Variants in ZNF48 observed in about 807,000 individuals in gnomAD.
ZNF48 encodes zinc finger protein 48.
In ZNF48, 20 loss-of-function variants were observed where a neutral mutation model predicts 40.0. The observed-to-expected ratio is 0.50, with a 90% CI of 0.35 to 0.73. The LOEUF (loss-of-function observed/expected upper bound fraction) is 0.73, where lower values mean the gene tolerates loss of function less well. Ranked by LOEUF, ZNF48 falls within the 30% of genes least tolerant of loss-of-function variation. The pLI, the probability that ZNF48 is intolerant of heterozygous loss-of-function variation, is 0.01. For missense variants in ZNF48, 726 were observed against 851.9 expected, an observed-to-expected ratio of 0.85 and a Z score of 1.84; for synonymous variants, 298 against 329.7, an observed-to-expected ratio of 0.90 and a Z score of 1.04.
Position 30,398,500 on chromosome 16 carries a change from C to T in ZNF48, c.1250C>T (p.Pro417Leu). ...GTSPPLTPRS[P>L]SHSGEPFGLP... ...AGCCCCCCGCTGACACCTCGAAGTCCCTCACACTCGGGTGAGCCTTTTGGC... is the reference window on the plus strand; with the variant it reads ...AGCCCCCCGCTGACACCTCGAAGTCTCTCACACTCGGGTGAGCCTTTTGGC... The change falls in exon 3 of 3, where the codon CCC becomes CTC. Residue 417 changes from proline to leucine, a missense_variant. Physicochemically the swap from Pro to Leu is moderately conservative, Grantham distance 98 (BLOSUM62 -3). Transcript: ENST00000613509. The surrounding 1 kb of genome is among the most constrained non-coding windows in gnomAD (Gnocchi z 6.6). 6.3e-6 allele frequency: 10 copies of T among 1,592,374 alleles called. No individual in the cohort carries two copies. Among genetic ancestry groups the T allele is most frequent in the Non-Finnish European group, 8.6e-6 (10 of 1,168,178 alleles).
intron 1 of ZNF48, chr16:30,378,920 G>A (rs1010123741): frequency 1.6e-6 from 2 of 1,251,958 alleles, no homozygotes; most frequent in Non-Finnish European, 1.1e-6. Context: ...TCTGAGTGGT[G>A]AAGGCGGAGT....
At position 30,397,501 on chromosome 16, in the gene ZNF48, G is replaced by T; in HGVS notation, c.251G>T (p.Gly84Val). The T allele has an allele frequency of 6.2e-7, 1 of 1,614,152 alleles. No individual in the cohort carries two copies. Among genetic ancestry groups the T allele is most frequent in the Non-Finnish European group, 8.5e-7 (1 of 1,180,012 alleles). Reference sequence around the variant, plus strand: ...GATGACTTATGGGTCCAGAGAGAGGGTCTAGGAAAGCCTCAGCCTCGGGAC... The same window carrying T: ...GATGACTTATGGGTCCAGAGAGAGGTTCTAGGAAAGCCTCAGCCTCGGGAC... ...NWDDLWVQRE[G>V]LGKPQPRDRG... is the part of the protein sequence containing the mutation. Residue 84 changes from glycine (G) to valine (V), a missense_variant, in exon 3 of 3, where the codon GGT becomes GTT. Transcript: ENST00000613509. This position sits in a 1 kb window ranked among gnomAD's most constrained non-coding sequence, Gnocchi z 4.1.
At chr16:30,386,852 T>TG (rs1419252115) in intron 1 of ZNF48, among the ~76,000 whole-genome samples, 1 of 150,702 alleles carries the variant, frequency 6.6e-6, no homozygotes, top group East Asian at 2.0e-4. Context: ...TTAGTAGAGA[T>TG]GGGGTTTCAC....
chr16:30,380,797 CGA>C, intron 1 of ZNF48: 1 of 333,784 alleles, frequency 3.0e-6, no homozygotes, highest in Non-Finnish European at 5.6e-6. Flanking sequence ...AAAGAGAGGC[CGA>C]GAGAGATATA....
rs374488127 is a variant in ZNF48, at chr16:30,398,323, C to T, written c.1073C>T (p.Pro358Leu). The change falls in exon 3 of 3, where the codon CCC (proline) becomes CTC (leucine). Residue 358 changes from proline to leucine, a missense_variant. Pro to Leu is a moderately conservative substitution (Grantham distance 98). Coordinates refer to ENST00000613509, the MANE Select transcript of ZNF48 (RefSeq NM_001214909.2). This position sits in a 1 kb window ranked among gnomAD's most constrained non-coding sequence, Gnocchi z 6.6. The stretch of plus-strand genomic sequence containing the variant: ...CTCCGCACCCACAGTGGCGAGAGGC[C>T]CCATGCCTGCCCGGAATGCGACCGT... ...KHLRTHSGER[P>L]HACPECDRTF... 3 of 1,613,256 alleles carry T rather than the reference C, an allele frequency of 1.9e-6. No homozygotes were observed. In the African/African-American group the frequency reaches 4.0e-5, roughly 22 times the overall value.
At chr16:30,392,754 T>C (rs2049952446), upstream of ZNF48, among the ~76,000 whole-genome samples, 1 of 152,180 alleles carries the variant, frequency 6.6e-6, no homozygotes, top group Non-Finnish European at 1.5e-5. Context: ...TTAAAGACAG[T>C]ATCTGCACCC....
chr16:30,378,435 C>CA, intron 1 of ZNF48: 1 of 1,568,988 alleles, frequency 6.4e-7, no homozygotes, highest in East Asian at 2.3e-5. Context: ...GGCGTGGCCT[C>CA]AGAGGGCGTC....
At position 30,398,873 on chromosome 16, in the gene ZNF48, G is replaced by C; in HGVS notation, c.1623G>C (p.Gln541His). The change falls in exon 3 of 3, where the codon CAG becomes CAC. Residue 541 changes from glutamine to histidine, a missense_variant. Around this residue, in one of 5 missense-constraint regions of ZNF48, gnomAD observed 166 missense variants for 163.6 expected, o/e 1.01. Coordinates refer to ENST00000613509, the MANE Select transcript of ZNF48 (RefSeq NM_001214909.2). This position sits in a 1 kb window ranked among gnomAD's most constrained non-coding sequence, Gnocchi z 6.6. ...RVRAQPSGPS[Q>H]PHVCGFCGKE... ...GGGCCCAGCCTTCTGGACCCAGCCA[G>C]CCCCACGTGTGTGGCTTCTGTGGGA... The C allele has an allele frequency of 6.2e-7, 1 of 1,613,956 alleles. No individual in the cohort carries two copies. The highest frequency in any genetic ancestry group is 1.3e-5 in the African/African-American group (1 of 75,030).
At chr16:30,385,589 C>A (rs542017945) in intron 1 of ZNF48, among the ~76,000 whole-genome samples, 2,477 of 151,854 alleles carry the variant, frequency 0.016, 63 homozygotes, top group African/African-American at 0.056. Context: ...CACACCACTG[C>A]ACTCCAGCCT....
In ZNF48 at chr16:30,398,933, CAG is replaced by C. The variant is rs777623660; in HGVS notation, c.1684_1685del (p.Arg562AlafsTer20). On this transcript the variant is annotated frameshift_variant, in exon 3 of 3. Coordinates refer to ENST00000613509, the MANE Select transcript of ZNF48 (RefSeq NM_001214909.2). LOFTEE classifies it high-confidence loss of function. The surrounding 1 kb of genome is among the most constrained non-coding windows in gnomAD (Gnocchi z 6.6). ...FPRSSDLVKHRRTHTGEKPYK... is the reference protein window; with the variant it reads ...FPRSSDLVKHXRTHTGEKPYK... ...CCCGGAGCTCAGATCTGGTCAAACACAGGCGTACACACACGGGGGAGAAGCCA... is the reference window on the plus strand; with the variant it reads ...CCCGGAGCTCAGATCTGGTCAAACACGCGTACACACACGGGGGAGAAGCCA... The C allele has an allele frequency of 9.9e-6, 16 of 1,613,628 alleles. No homozygotes were observed. The highest frequency in any genetic ancestry group is 1.3e-5 in the African/African-American group (1 of 74,828).
In ZNF48 at chr16:30,381,969, C is replaced by T; in HGVS notation, c.-16+3559C>T. The T allele has an allele frequency of 1.2e-6, 2 of 1,604,572 alleles. No homozygotes were observed. Among genetic ancestry groups the T allele is most frequent in the Non-Finnish European group, 1.7e-6 (2 of 1,174,070 alleles). ...TGTCAATATCACAGTTGCCTGCACC[C>T]ATTTCCCAGGGGAGGAAAGTCTCAG... On this transcript the variant is annotated intron_variant, in intron 1 of 2. Transcript: ENST00000528032. This position sits in a 1 kb window ranked among gnomAD's most constrained non-coding sequence, Gnocchi z 4.3.
At chr16:30,390,815 G>A (rs372620291), upstream of ZNF48, among the ~76,000 whole-genome samples, 1 of 151,248 alleles carries the variant, frequency 6.6e-6, no homozygotes, top group Non-Finnish European at 1.5e-5. Context: ...TAGTAGAGAC[G>A]GGGTTTCACC....
Position 30,381,327 on chromosome 16 carries a change from C to A in ZNF48, c.-16+2917C>A. 1.2e-6 allele frequency: 2 copies of A among 1,612,654 alleles called. No homozygotes were observed. The highest frequency in any genetic ancestry group is 1.7e-4 in the Middle Eastern group (1 of 6,054). On this transcript the variant is annotated intron_variant, in intron 1 of 2. Transcript: ENST00000528032. The surrounding 1 kb of genome is among the most constrained non-coding windows in gnomAD (Gnocchi z 4.3). Reference sequence around the variant, plus strand: ...CCTAAATGCGCCAGCCCCCAGGATCCCCCCACCAGACCCCCGGCCGAAGGG... The same window carrying A: ...CCTAAATGCGCCAGCCCCCAGGATCACCCCACCAGACCCCCGGCCGAAGGG...
At chr16:30,387,574 A>T (rs1275275128) in intron 1 of ZNF48, among the ~76,000 whole-genome samples, 3 of 148,736 alleles carry the variant, frequency 2.0e-5, no homozygotes, top group Non-Finnish European at 4.5e-5. Context: ...AACAAAACCA[A>T]AAAAAGACAG....
intron 1 of ZNF48, chr16:30,379,047 C>T: frequency 6.2e-7 from 1 of 1,613,656 alleles, no homozygotes; most frequent in South Asian, 1.1e-5. Flanking sequence ...GAGCCCCAGG[C>T]CGGGCCAGGC....
At position 30,381,524 on chromosome 16, in the gene ZNF48, G is replaced by A; in HGVS notation, c.-16+3114G>A. 1 of 1,605,334 alleles carries A rather than the reference G, an allele frequency of 6.2e-7. No homozygotes were observed. Among genetic ancestry groups the A allele is most frequent in the Non-Finnish European group, 8.5e-7 (1 of 1,172,946 alleles). ...TCAGAGATCAAAGGCCAGAGGGCAG[G>A]GGGCAAGGCTAGCCAGGACTGTGGG... On this transcript the variant is annotated intron_variant, in intron 1 of 2. Transcript: ENST00000528032. This position sits in a 1 kb window ranked among gnomAD's most constrained non-coding sequence, Gnocchi z 4.3.
Position 30,381,403 on chromosome 16 carries a change from G to T in ZNF48, c.-16+2993G>T. On this transcript the variant is annotated intron_variant, in intron 1 of 2. Coordinates refer to the ZNF48 transcript ENST00000528032. The surrounding 1 kb of genome is among the most constrained non-coding windows in gnomAD (Gnocchi z 4.3). ...ACTCGGGAGTCCTGGATGTTCTTCC[G>T]GTTCAGGCCACTCTCATCCCTAAGG... is the stretch of plus-strand genomic sequence containing the variant. The T allele has an allele frequency of 6.2e-7, 1 of 1,613,764 alleles. No homozygotes were observed. Among genetic ancestry groups the T allele is most frequent in the Admixed American group, 1.7e-5 (1 of 59,962 alleles).
At chr16:30,396,236 C>G (rs2049983565) in intron 2 of ZNF48, among the ~76,000 whole-genome samples, 1 of 152,152 alleles carries the variant, frequency 6.6e-6, no homozygotes, top group South Asian at 2.1e-4. Context: ...AAAACCTTCC[C>G]TAGCGTCCCC....
Position 30,398,412 on chromosome 16 carries a change from A to C in ZNF48, c.1162A>C (p.Ser388Arg). Residue 388 changes from serine (S) to arginine (R), a missense_variant, in exon 3 of 3, where the codon AGC (serine) becomes CGC (arginine). Physicochemically the swap from Ser to Arg is moderately radical, Grantham distance 110. Coordinates refer to ENST00000613509, the MANE Select transcript of ZNF48 (RefSeq NM_001214909.2). This position sits in a 1 kb window ranked among gnomAD's most constrained non-coding sequence, Gnocchi z 6.6. ...RLTHMEPQDF[S>R]FPGYPLPALI... ...CACTCACATGGAGCCCCAGGACTTC[A>C]GCTTCCCAGGCTATCCCCTACCCGC... is the stretch of plus-strand genomic sequence containing the variant. 1 of 1,608,760 alleles carries C rather than the reference A, an allele frequency of 6.2e-7. No homozygotes were observed. Among genetic ancestry groups the C allele is most frequent in the Non-Finnish European group, 8.5e-7 (1 of 1,176,358 alleles).
Sources: gnomAD v4.1 joint callset for allele counts (sites outside exome capture counted in the v4.1 genomes callset) on GRCh38, gnomAD v4.1.1 for gene constraint, gnomAD v4.1.1 regional missense constraint, Gnocchi (gnomAD v3.1) non-coding constraint, MANE v1.5 for transcripts, NCBI Gene and HGNC (gene_info 2026-07-23, HGNC 2026-07-21) for gene names.